The following RYR1 variants were observed in gnomAD, a reference collection of about 807,000 sequenced individuals.
RYR1 encodes the protein ryanodine receptor 1.
A neutral mutation model predicts 583.5 loss-of-function variants in RYR1; 342 were observed. That is an observed-to-expected ratio of 0.59 (90% CI 0.54 to 0.64). The LOEUF (loss-of-function observed/expected upper bound fraction) is 0.64, where lower values mean the gene tolerates loss of function less well. Ranked by LOEUF, RYR1 falls within the 30% of genes least tolerant of loss-of-function variation. The probability of loss-of-function intolerance (pLI) is 0.00; values close to 1 mark genes in which losing one functional copy is unlikely to be tolerated. For missense variants in RYR1, 6,032 were observed against 6,917.2 expected, an observed-to-expected ratio of 0.87 and a Z score of 4.54; for synonymous variants, 2,791 against 2,822.5, an observed-to-expected ratio of 0.99 and a Z score of 0.35.
intron 39 of RYR1, among the ~76,000 whole-genome samples, 196 bp downstream of exon 39, chr19:38,494,821 G>A (rs1463375384): frequency 6.7e-6 from 1 of 149,488 alleles, no homozygotes; most frequent in Non-Finnish European, 1.5e-5. Flanking sequence ...CCGCTTCTGT[G>A]TGACTCTCAG....
At position 38,543,384 on chromosome 19, in the gene RYR1, G is replaced by T; in HGVS notation, c.11727G>T (p.Thr3909=). 2 of 1,614,114 alleles carry T rather than the reference G, an allele frequency of 1.2e-6. No individual in the cohort carries two copies. The highest frequency in any genetic ancestry group is 2.2e-5 in the South Asian group (2 of 91,028). ...ACCTACGGACACAGACAGGGAACAC[G>T]ACCACTATTAACATCATCATTTGCA... ...QNYLRTQTGN[T]TTINIIICTV... Residue 3909 remains threonine, a synonymous_variant, in exon 85 of 106, where the codon ACG becomes ACT. Transcript: ENST00000359596. This position sits in a 1 kb window ranked among gnomAD's most constrained non-coding sequence, Gnocchi z 4.4.
intron 96 of RYR1, 91 bp downstream of exon 96, chr19:38,573,398 C>A: frequency 6.6e-7 from 1 of 1,509,180 alleles, no homozygotes; most frequent in East Asian, 2.4e-5. Flanking sequence ...ACTAGGGTTT[C>A]GGTCCGGGCA....
At position 38,467,757 on chromosome 19, in the gene RYR1, G is replaced by A. The variant is rs35719391; in HGVS notation, c.3326G>A (p.Arg1109Lys). The change falls in exon 25 of 106, where the codon AGG (arginine) becomes AAG (lysine). Residue 1109 changes from arginine (R) to lysine (K), a missense_variant. Physicochemically the swap from Arg to Lys is conservative, Grantham distance 26 (BLOSUM62 2). Around this residue, in one of 11 missense-constraint regions of RYR1, gnomAD observed 2,627 missense variants for 2,961.3 expected, o/e 0.89. Coordinates refer to ENST00000359596, the MANE Select transcript of RYR1 (RefSeq NM_000540.3). The stretch of plus-strand genomic sequence containing the variant: ...GTGGGCTGGGCGAGGCCCGAGCTGA[G>A]GCCTGATGTAGAGCTGGGAGCTGAC... ...MRVGWARPEL[R>K]PDVELGADEL... is the part of the protein sequence containing the mutation. 1,678 of 1,614,188 alleles carry A rather than the reference G, an allele frequency of 1.0e-3. 17 individuals are homozygous for A. The African/African-American group carries it at 0.019, about 18-fold the overall frequency.
intron 34 of RYR1, 57 bp from the exon 35 acceptor site, chr19:38,489,120 G>A: frequency 5.3e-6 from 8 of 1,500,314 alleles, no homozygotes; most frequent in Non-Finnish European, 6.5e-6. Context: ...ATGAGGCCAG[G>A]GCCTGATGAT....
Position 38,463,864 on chromosome 19 carries a change from G to C in RYR1, c.2786+14G>C. The C allele has an allele frequency of 6.2e-7, 1 of 1,607,980 alleles. No individual in the cohort carries two copies. Among genetic ancestry groups the C allele is most frequent in the Non-Finnish European group, 8.5e-7 (1 of 1,174,666 alleles). On this transcript the variant is annotated intron_variant, in intron 22 of 105. Coordinates refer to ENST00000359596, the MANE Select transcript of RYR1 (RefSeq NM_000540.3). Reference sequence around the variant, plus strand: ...GGAGACGCTCAAGTGAGGGCCCAGGGGAGCCGGGGGTTGGGGCTGGCTGCT... The same window carrying C: ...GGAGACGCTCAAGTGAGGGCCCAGGCGAGCCGGGGGTTGGGGCTGGCTGCT...
In RYR1 at chr19:38,478,561, C is replaced by T. The variant is rs1968860004; in HGVS notation, c.4581C>T (p.Thr1527=). 1 of 1,613,736 alleles carries T rather than the reference C, an allele frequency of 6.2e-7. No homozygotes were observed. Among genetic ancestry groups the T allele is most frequent in the Admixed American group, 1.7e-5 (1 of 59,986 alleles). Reference sequence around the variant, plus strand: ...TGGACTTGGCCACTGGCTTAATGACCTTTACAGCCAATGGCAAAGAGAGCA... The same window carrying T: ...TGGACTTGGCCACTGGCTTAATGACTTTTACAGCCAATGGCAAAGAGAGCA... The part of the protein sequence containing the change: ...CLVDLATGLM[T]FTANGKESNT... Residue 1527 remains threonine, a synonymous_variant, in exon 31 of 106, where the codon ACC becomes ACT. Transcript: ENST00000359596.
chr19:38,465,009 G>A (rs565095308), intron 23 of RYR1, among the ~76,000 whole-genome samples: 18 of 152,240 alleles, frequency 1.2e-4, no homozygotes, highest in East Asian at 1.2e-3. Flanking sequence ...ACATGTCCAC[G>A]TAAGGGGTAA....
intron 67 of RYR1, among the ~76,000 whole-genome samples, chr19:38,522,264 T>C (rs1971258162): frequency 6.6e-6 from 1 of 152,198 alleles, no homozygotes; most frequent in South Asian, 2.1e-4. Flanking sequence ...GCATGTATTA[T>C]ATTTATGTAT....
In RYR1 at chr19:38,519,207, C is replaced by T; in HGVS notation, c.10019-7C>T. On this transcript the variant is annotated splice_polypyrimidine_tract_variant and splice_region_variant and intron_variant, in intron 66 of 105. Transcript: ENST00000359596. ...AGGTGGCATCAGAGCCCATCGCACC[C>T]CTGCAGTGTTCGCACAGCCCATTGT... The T allele has an allele frequency of 6.2e-7, 1 of 1,614,136 alleles. No homozygotes were observed. The highest frequency in any genetic ancestry group is 1.6e-4 in the Middle Eastern group (1 of 6,062).
Position 38,436,284 on chromosome 19 carries a change from C to T in RYR1, c.45+2410C>T, listed in dbSNP as rs567353934. 6.4e-4 allele frequency among the ~76,000 whole-genome samples: 97 copies of T among 151,090 alleles called. 2 individuals carry two copies. Among genetic ancestry groups the T allele is most frequent in the East Asian group, 1.6e-3 (8 of 5,118 alleles). Reference sequence around the variant, plus strand: ...TACAGCAGTTTGGTGGTTGGTTCAACGCAACCTCCACTTCCCAGGCTCCAG... The same window carrying T: ...TACAGCAGTTTGGTGGTTGGTTCAATGCAACCTCCACTTCCCAGGCTCCAG... On this transcript the variant is annotated intron_variant, in intron 1 of 105. Transcript: ENST00000359596.
chr19:38,447,758 CTT>C (rs901571793), intron 9 of RYR1, among the ~76,000 whole-genome samples: 1 of 151,364 alleles, frequency 6.6e-6, no homozygotes, highest in Non-Finnish European at 1.5e-5. Context: ...AGGAGAATCA[CTT>C]GAGCCTGGGA....
intron 76 of RYR1, 56 bp downstream of exon 76, chr19:38,529,113 A>C: frequency 2.6e-6 from 4 of 1,563,360 alleles, no homozygotes; most frequent in Non-Finnish European, 2.6e-6. Flanking sequence ...GGCCACCCCC[A>C]GCCCAGCAGC....
chr19:38,537,628 A>C (rs1021510184), intron 83 of RYR1, among the ~76,000 whole-genome samples: 1 of 152,154 alleles, frequency 6.6e-6, no homozygotes, highest in African/African-American at 2.4e-5. Context: ...GTAGAAAGAC[A>C]CTTGAGGCCC....
At position 38,515,023 on chromosome 19, in the gene RYR1, C is replaced by T. The variant is rs923899613; in HGVS notation, c.9473-3C>T. The stretch of plus-strand genomic sequence containing the variant: ...CCGCAGCCTCGCCCCCTGTCTCCCT[C>T]AGTGGACGACGTCCAGGTCTCTTGC... On this transcript the variant is annotated splice_polypyrimidine_tract_variant and splice_region_variant and intron_variant, in intron 63 of 105. Coordinates refer to ENST00000359596, the MANE Select transcript of RYR1 (RefSeq NM_000540.3). The T allele has an allele frequency of 6.2e-7, 1 of 1,611,902 alleles. No homozygotes were observed. Among genetic ancestry groups the T allele is most frequent in the Non-Finnish European group, 8.5e-7 (1 of 1,178,710 alleles).
In RYR1 at chr19:38,433,745, A is replaced by AC; in HGVS notation, c.-85_-84insC. The AC allele has an allele frequency of 6.0e-6, 3 of 498,360 alleles. No homozygotes were observed. Among genetic ancestry groups the AC allele is most frequent in the Non-Finnish European group, 1.2e-5 (3 of 256,694 alleles). The allele number at this position is 498,360 out of a possible 1,614,324, so 30.9% of individuals were successfully genotyped here. The stretch of plus-strand genomic sequence containing the variant: ...GGTGTCTCCAGAGGTCTCCGACCCC[A>AC]GCCCGCCCCCAGCCCTCCCGCCCAG... On this transcript the variant is annotated 5_prime_UTR_variant, in exon 1 of 106. Transcript: ENST00000359596.
At chr19:38,438,920 A>G (rs1257180222) in intron 1 of RYR1, among the ~76,000 whole-genome samples, 1 of 151,524 alleles carries the variant, frequency 6.6e-6, no homozygotes, top group Admixed American at 6.6e-5. Flanking sequence ...GCCTGGCCCC[A>G]GGCTGGTCTT....
intron 97 of RYR1, 77 bp downstream of exon 97, chr19:38,576,038 T>C (rs374119416): frequency 6.5e-7 from 1 of 1,529,800 alleles, no homozygotes; most frequent in East Asian, 2.2e-5. Context: ...TGCCAAGCAC[T>C]TGCTTGGTGT....
At chr19:38,454,047 TG>T in intron 13 of RYR1, among the ~76,000 whole-genome samples, 3 of 152,302 alleles carry the variant, frequency 2.0e-5, no homozygotes, top group Admixed American at 2.0e-4. Context: ...TGTTTTGTCT[TG>T]TTTTTTGAAA....
At chr19:38,487,751 A>G (rs750838291) in intron 34 of RYR1, among the ~76,000 whole-genome samples, 125 of 152,276 alleles carry the variant, frequency 8.2e-4, no homozygotes, top group Non-Finnish European at 1.5e-3. Flanking sequence ...CTTCTGCCTC[A>G]GCCTCCTGAA....
Sources: gnomAD v4.1 joint callset for allele counts (sites outside exome capture counted in the v4.1 genomes callset) on GRCh38, gnomAD v4.1.1 for gene constraint, gnomAD v4.1.1 regional missense constraint, Gnocchi (gnomAD v3.1) non-coding constraint, MANE v1.5 for transcripts, NCBI Gene and HGNC (gene_info 2026-07-23, HGNC 2026-07-21) for gene names.